ATF7IP2: variants seen among roughly 807,000 people sequenced by gnomAD.
ATF7IP2 encodes activating transcription factor 7-interacting protein 2.
ATF7IP2 carries 42 observed loss-of-function variants against 64.2 expected under a neutral mutation model. The observed-to-expected ratio is 0.65, with a 90% CI of 0.51 to 0.85. The LOEUF (loss-of-function observed/expected upper bound fraction) is 0.85, where lower values mean the gene tolerates loss of function less well. Among genes scored for constraint, ATF7IP2 ranks in the 40% least tolerant of loss-of-function variants. The probability of loss-of-function intolerance (pLI) is 0.00; values close to 1 mark genes in which losing one functional copy is unlikely to be tolerated. For missense variants in ATF7IP2, 933 were observed against 784.2 expected (o/e 1.19, Z -2.27); for synonymous variants, 308 against 272.8 (o/e 1.13, Z -1.27).
chr16:10,397,644 A>C (rs977253851), intron 1 of ATF7IP2, among the ~76,000 whole-genome samples: 6 of 152,134 alleles, frequency 3.9e-5, no homozygotes, highest in Admixed American at 1.3e-4. Context: ...TGGGAGGCCA[A>C]AGCGGGTGAA....
chr16:10,475,252 G>C (rs528503205), intron 12 of ATF7IP2, among the ~76,000 whole-genome samples: 6 of 152,324 alleles, frequency 3.9e-5, no homozygotes, highest in Non-Finnish European at 7.3e-5. Context: ...CTGTTACAAG[G>C]CTCTTAAATG....
intron 1 of ATF7IP2, among the ~76,000 whole-genome samples, chr16:10,412,620 C>G (rs2047794436): frequency 6.6e-6 from 1 of 152,046 alleles, no homozygotes; most frequent in South Asian, 2.1e-4. Context: ...GGAGAAAGTT[C>G]CATGTGTAAT....
At position 10,430,652 on chromosome 16, in the gene ATF7IP2, T is replaced by C. The variant is rs1483247907; in HGVS notation, c.32T>C (p.Ile11Thr). The C allele has an allele frequency of 2.5e-6, 4 of 1,613,800 alleles. No homozygotes were observed. Among genetic ancestry groups the C allele is most frequent in the Non-Finnish European group, 3.4e-6 (4 of 1,179,888 alleles). Reference sequence around the variant, plus strand: ...AGTCCAGATAGAAGTAAACGGAAGATATTAAAAGCCAAAAAGACAATGCCC... The same window carrying C: ...AGTCCAGATAGAAGTAAACGGAAGACATTAAAAGCCAAAAAGACAATGCCC... MASPDRSKRK[I>T]LKAKKTMPLS... is the part of the protein sequence containing the mutation. Residue 11 changes from isoleucine to threonine, a missense_variant, in exon 5 of 14, where the codon ATA becomes ACA. Transcript: ENST00000562102.
chr16:10,428,623 T>C (rs949710314), intron 3 of ATF7IP2, among the ~76,000 whole-genome samples: 7 of 152,168 alleles, frequency 4.6e-5, no homozygotes, highest in African/African-American at 1.7e-4. Context: ...TCAGCCTGAT[T>C]GTGTTGGGAA....
At chr16:10,397,460 T>C (rs1409078354) in intron 1 of ATF7IP2, among the ~76,000 whole-genome samples, 2 of 152,176 alleles carry the variant, frequency 1.3e-5, no homozygotes, top group Admixed American at 1.3e-4. Context: ...TCTTCCAAAA[T>C]ATATAAGGAA....
chr16:10,482,400 A>C lies in ATF7IP2; in HGVS notation c.*151A>C. On this transcript the variant is annotated 3_prime_UTR_variant, in exon 14 of 14. Transcript: ENST00000562102. ...CTTCTATATGTTTTAAGTGGCCAGTAATTTAATGAATTTCTGGTTTGTATT... is the reference window on the plus strand; with the variant it reads ...CTTCTATATGTTTTAAGTGGCCAGTCATTTAATGAATTTCTGGTTTGTATT... The C allele has an allele frequency of 1.7e-6, 1 of 579,530 alleles. No homozygotes were observed. The highest frequency in any genetic ancestry group is 3.0e-6 in the Non-Finnish European group (1 of 338,456). 35.9% of individuals were successfully genotyped at this position (579,530 alleles called of 1,614,324 possible). A position where few individuals can be genotyped will look rare whatever the true frequency, so the allele number is the denominator to read the frequency against.
In ATF7IP2 at chr16:10,433,739, C is replaced by T. The variant is rs75255978; in HGVS notation, c.960+90C>T. ...ATCTGGTCCCCACAGTGGCATAATACAGACGACTTTCACTTGCTGCAGAGC... is the reference window on the plus strand; with the variant it reads ...ATCTGGTCCCCACAGTGGCATAATATAGACGACTTTCACTTGCTGCAGAGC... On this transcript the variant is annotated intron_variant, in intron 6 of 13. Transcript: ENST00000562102. The T allele has an allele frequency of 3.5e-4, 498 of 1,430,912 alleles. 2 individuals are homozygous for T. The African/African-American group carries it at 6.6e-3, about 19-fold the overall frequency. The allele number at this position is 1,430,912 out of a possible 1,614,324, so 88.6% of individuals were successfully genotyped here.
At chr16:10,429,504 C>G (rs2048171674) in intron 4 of ATF7IP2, among the ~76,000 whole-genome samples, 1 of 152,076 alleles carries the variant, frequency 6.6e-6, no homozygotes, top group Admixed American at 6.5e-5. Context: ...CATGTGCCAG[C>G]ATGCCTGGCT....
chr16:10,412,879 T>G (rs2047799616), intron 1 of ATF7IP2, among the ~76,000 whole-genome samples: 1 of 152,216 alleles, frequency 6.6e-6, no homozygotes, highest in African/African-American at 2.4e-5. Context: ...TGTGATATTT[T>G]TCTGTTGGAT....
intron 9 of ATF7IP2, among the ~76,000 whole-genome samples, chr16:10,463,394 G>T (rs1024549961): frequency 6.6e-6 from 1 of 152,174 alleles, no homozygotes; most frequent in African/African-American, 2.4e-5. Context: ...CACTTCTAAT[G>T]AATAGAATAT....
intron 9 of ATF7IP2, among the ~76,000 whole-genome samples, chr16:10,465,685 T>C (rs747196311): frequency 2.7e-5 from 4 of 148,816 alleles, no homozygotes; most frequent in Non-Finnish European, 5.9e-5. Context: ...GTTGGCGTCA[T>C]CCGAGATTGC....
chr16:10,419,179 A>AT (rs2047939467), intron 2 of ATF7IP2, among the ~76,000 whole-genome samples: 1 of 152,236 alleles, frequency 6.6e-6, no homozygotes, highest in South Asian at 2.1e-4. Context: ...TAGTGAGACC[A>AT]GAAAGCATGT....
chr16:10,396,258 C>G (rs1315886653), intron 1 of ATF7IP2, among the ~76,000 whole-genome samples: 1 of 152,064 alleles, frequency 6.6e-6, no homozygotes, highest in Non-Finnish European at 1.5e-5. Flanking sequence ...AGCCAGAGGA[C>G]TCATATATTT....
chr16:10,424,870 C>T (rs1321156031), intron 3 of ATF7IP2, among the ~76,000 whole-genome samples: 1 of 152,148 alleles, frequency 6.6e-6, no homozygotes, highest in African/African-American at 2.4e-5. Context: ...AATTGGAACT[C>T]TCATCCACTG....
At chr16:10,432,207 T>G (rs2048282577) in intron 5 of ATF7IP2, among the ~76,000 whole-genome samples, 1 of 152,046 alleles carries the variant, frequency 6.6e-6, no homozygotes, top group Non-Finnish European at 1.5e-5. Context: ...TATTCACACA[T>G]GTGTATATGT....
At chr16:10,422,000 G>A (rs1257254530) in intron 3 of ATF7IP2, among the ~76,000 whole-genome samples, 1 of 152,202 alleles carries the variant, frequency 6.6e-6, no homozygotes, top group Non-Finnish European at 1.5e-5. Flanking sequence ...GGCAGTCCTG[G>A]CTGCAATGCC....
intron 1 of ATF7IP2, among the ~76,000 whole-genome samples, chr16:10,407,982 G>A (rs562664475): frequency 6.6e-6 from 1 of 151,428 alleles, no homozygotes; most frequent in Non-Finnish European, 1.5e-5. Context: ...CATGATCTTG[G>A]TTCACTGCAA....
intron 5 of ATF7IP2, among the ~76,000 whole-genome samples, chr16:10,432,287 A>G (rs1182527211): frequency 6.6e-6 from 1 of 152,174 alleles, no homozygotes; most frequent in Non-Finnish European, 1.5e-5. Flanking sequence ...TTAAAATAGC[A>G]AAAGTGAATT....
In ATF7IP2 at chr16:10,430,688, G is replaced by T; in HGVS notation, c.68G>T (p.Arg23Leu). 1 of 1,614,090 alleles carries T rather than the reference G, an allele frequency of 6.2e-7. No homozygotes were observed. The highest frequency in any genetic ancestry group is 8.5e-7 in the Non-Finnish European group (1 of 1,180,008). Residue 23 changes from arginine (R) to leucine (L), a missense_variant, in exon 5 of 14, where the codon CGG (arginine) becomes CTG (leucine). Coordinates refer to ENST00000562102, the MANE Select transcript of ATF7IP2 (RefSeq NM_001393719.1). ...AAAAAGACAATGCCCCTAAGTTGCC[G>T]GAAGCAAGTAGAGATGCTGAATAAG... ...KAKKTMPLSC[R>L]KQVEMLNKSR...
Sources: gnomAD v4.1 joint callset for allele counts (sites outside exome capture counted in the v4.1 genomes callset) on GRCh38, gnomAD v4.1.1 for gene constraint, MANE v1.5 for transcripts, NCBI Gene and HGNC (gene_info 2026-07-23, HGNC 2026-07-21) for gene names.